Variants in ELSPBP1 observed in about 807,000 individuals in gnomAD.
The protein encoded by ELSPBP1 is epididymal sperm binding protein 1.
A neutral mutation model predicts 33.3 loss-of-function variants in ELSPBP1; 38 were observed. The ratio of observed to expected loss-of-function variants is 1.14; its 90% CI spans 0.88 to 1.50. The LOEUF (loss-of-function observed/expected upper bound fraction) is 1.50. Among genes scored for constraint, ELSPBP1 ranks in the 40% most tolerant of loss-of-function variants. The probability of loss-of-function intolerance (pLI) is 0.00; values close to 1 mark genes in which losing one functional copy is unlikely to be tolerated. For missense variants in ELSPBP1, 267 were observed against 263.5 expected, an observed-to-expected ratio of 1.01 and a Z score of -0.09; for synonymous variants, 85 against 94.1, an observed-to-expected ratio of 0.90 and a Z score of 0.56.
intron 1 of ELSPBP1, among the ~76,000 whole-genome samples, chr19:48,001,383 ATGTT>A (rs1966966217): frequency 1.4e-5 from 2 of 148,058 alleles, no homozygotes; most frequent in Non-Finnish European, 3.0e-5. Flanking sequence ...TGGTTTCACC[ATGTT>A]GGCCAGCATG....
At chr19:47,996,409 T>C (rs1056787016) in intron 1 of ELSPBP1, among the ~76,000 whole-genome samples, 4 of 152,080 alleles carry the variant, frequency 2.6e-5, no homozygotes, top group Non-Finnish European at 5.9e-5. Flanking sequence ...AGAGGATGGA[T>C]TCAATGAATA....
Position 48,016,110 on chromosome 19 carries a change from A to C in ELSPBP1, c.355+71A>C, listed in dbSNP as rs1002423879. On this transcript the variant is annotated intron_variant, in intron 4 of 6. Transcript: ENST00000339841. ...GGACAGCATGGATCCTCCTGAGGGG[A>C]GGCTGGGCAAGGTAGAGACCAGAGC... The C allele has an allele frequency of 9.0e-6, 14 of 1,563,238 alleles. No homozygotes were observed. In the African/African-American group the frequency reaches 1.6e-4, roughly 18 times the overall value.
chr19:48,001,801 C>T (rs1184558568), intron 1 of ELSPBP1, among the ~76,000 whole-genome samples: 1 of 152,024 alleles, frequency 6.6e-6, no homozygotes, highest in Non-Finnish European at 1.5e-5. Context: ...AGTCCTCCCA[C>T]CTCAGCCTCT....
intron 4 of ELSPBP1, among the ~76,000 whole-genome samples, chr19:48,016,527 TCTTCCTTCCTTC>T (rs1292111942): frequency 9.9e-5 from 5 of 50,550 alleles, no homozygotes; most frequent in South Asian, 8.1e-4. Flanking sequence ...TTTCTTTCTT[TCTTCCTTCCTTC>T]CTTCCTTCCT....
At chr19:48,000,205 C>A (rs118015558) in intron 1 of ELSPBP1, among the ~76,000 whole-genome samples, 1 of 139,898 alleles carries the variant, frequency 7.1e-6, no homozygotes, top group Non-Finnish European at 1.5e-5. Context: ...ATTCTTCCCC[C>A]ACCCCGGCCG....
intron 1 of ELSPBP1, among the ~76,000 whole-genome samples, chr19:47,997,367 TGCA>T (rs1966921438): frequency 1.3e-5 from 2 of 152,202 alleles, no homozygotes; most frequent in Non-Finnish European, 2.9e-5. Flanking sequence ...TGAGCATATG[TGCA>T]TGCATATACC....
intron 6 of ELSPBP1, among the ~76,000 whole-genome samples, chr19:48,022,696 T>C (rs1200024072): frequency 6.6e-6 from 1 of 152,034 alleles, no homozygotes; most frequent in Non-Finnish European, 1.5e-5. Flanking sequence ...GCTTTGGCTG[T>C]TGATGATTAG....
At chr19:48,024,036 ATT>A (rs111833936) in intron 6 of ELSPBP1, among the ~76,000 whole-genome samples, 12,280 of 131,870 alleles carry the variant, frequency 0.093, 645 homozygotes, top group African/African-American at 0.17. Flanking sequence ...ATGCCCAGCA[ATT>A]TTTTTTTTTT....
In ELSPBP1 at chr19:47,998,171, A is replaced by C. The variant is rs146714470; in HGVS notation, c.-18+3360A>C. 3.9e-3 allele frequency among the ~76,000 whole-genome samples: 589 copies of C among 151,954 alleles called. 1 individual carries two copies. The highest frequency in any genetic ancestry group is 0.014 in the African/African-American group (562 of 41,446). On this transcript the variant is annotated intron_variant, in intron 1 of 6. Transcript: ENST00000339841. The stretch of plus-strand genomic sequence containing the variant: ...GCTCAATCCTGTAATCCCAGCACTT[A>C]GGGGGGCTGAGGTGTGTGGATCATG...
intron 6 of ELSPBP1, among the ~76,000 whole-genome samples, chr19:48,023,537 A>AAGAAAGGAAGGAAGTAAGGG (rs1399261557): frequency 1.6e-5 from 2 of 121,712 alleles, no homozygotes; most frequent in African/African-American, 3.0e-5. Context: ...GGGAGGAAGG[A>AAGAAAGGAAGGAAGTAAGGG]AAGAAGGAAG....
At chr19:48,005,536 G>T (rs1453186815) in intron 1 of ELSPBP1, among the ~76,000 whole-genome samples, 1 of 152,138 alleles carries the variant, frequency 6.6e-6, no homozygotes, top group Non-Finnish European at 1.5e-5. Flanking sequence ...GCATATTTTG[G>T]GCTGTATCTC....
At chr19:48,013,729 AGT>A (rs1967100877) in intron 2 of ELSPBP1, among the ~76,000 whole-genome samples, 1 of 151,668 alleles carries the variant, frequency 6.6e-6, no homozygotes, top group South Asian at 2.1e-4. Context: ...AAAAAAAAAA[AGT>A]AAATAAAATA....
chr19:48,016,507 TCTTTCTTTCTTTCTTTCTTTCTTCCTTC>T lies in ELSPBP1; in HGVS notation c.355+472_355+499del, dbSNP rs1399696807. Among the ~76,000 whole-genome samples the T allele has an allele frequency of 4.1e-3, 423 of 103,324 alleles. 1 individual carries two copies. The highest frequency in any genetic ancestry group is 4.6e-3 in the Non-Finnish European group (236 of 51,160). 67.8% of individuals were successfully genotyped at this position (103,324 alleles called of 152,430 possible). A position where few individuals can be genotyped will look rare whatever the true frequency, so the allele number is the denominator to read the frequency against. ...TTCTTTCTTTCTTTCTTTCTTTCTT[TCTTTCTTTCTTTCTTTCTTTCTTCCTTC>T]CTTCCTTCCTTCCTTCCTTCCTTCC... On this transcript the variant is annotated intron_variant, in intron 4 of 6. Transcript: ENST00000339841.
At chr19:48,021,462 C>A (rs367994047) in intron 5 of ELSPBP1, among the ~76,000 whole-genome samples, 2 of 148,252 alleles carry the variant, frequency 1.3e-5, no homozygotes, top group Non-Finnish European at 1.5e-5. Flanking sequence ...ATTTTTGAGA[C>A]GGAATCTCAC....
chr19:48,006,193 C>G (rs973753852), intron 1 of ELSPBP1, among the ~76,000 whole-genome samples: 69 of 152,220 alleles, frequency 4.5e-4, no homozygotes, highest in African/African-American at 1.2e-3. Context: ...CTCCTGGCCT[C>G]AAGCAATCCT....
chr19:48,004,179 G>C lies in ELSPBP1; in HGVS notation c.-17-4472G>C, dbSNP rs557847017. Among the ~76,000 whole-genome samples, 22 of 152,068 alleles carry C rather than the reference G, an allele frequency of 1.4e-4. No homozygotes were observed. The South Asian group carries it at 4.6e-3, about 32-fold the overall frequency. On this transcript the variant is annotated intron_variant, in intron 1 of 6. Coordinates refer to ENST00000339841, the MANE Select transcript of ELSPBP1 (RefSeq NM_022142.5). ...GGCTGGTCATGAACTCCTGACCTCA[G>C]ATGATCTGCCCGCCTCGGCCTCCCA...
intron 1 of ELSPBP1, among the ~76,000 whole-genome samples, chr19:47,998,277 T>C (rs1487257746): frequency 1.3e-5 from 2 of 151,822 alleles, no homozygotes; most frequent in African/African-American, 4.8e-5. Context: ...CCGGGTGCAG[T>C]GGCAGGCGCC....
intron 2 of ELSPBP1, among the ~76,000 whole-genome samples, chr19:48,009,414 A>T (rs1282360325): frequency 6.6e-6 from 1 of 152,200 alleles, no homozygotes; most frequent in Non-Finnish European, 1.5e-5. Flanking sequence ...GGACAACCTA[A>T]TTATATCTTA....
chr19:48,000,968 C>T (rs1966961494), intron 1 of ELSPBP1, among the ~76,000 whole-genome samples: 1 of 152,210 alleles, frequency 6.6e-6, no homozygotes, highest in Non-Finnish European at 1.5e-5. Context: ...TCTTACAGTT[C>T]TGTGAGTCAG....
Sources: allele counts gnomAD v4.1 joint callset (sites outside exome capture counted in the v4.1 genomes callset), GRCh38; gene constraint gnomAD v4.1.1; transcripts MANE v1.5; gene names NCBI Gene and HGNC (gene_info 2026-07-23, HGNC 2026-07-21).